PCDHGA8: variants seen among roughly 807,000 people sequenced by gnomAD.
PCDHGA8 encodes the protein protocadherin gamma subfamily A, 8.
PCDHGA8 carries 45 observed loss-of-function variants against 59.2 expected under a neutral mutation model. That is an observed-to-expected ratio of 0.76 (90% confidence interval 0.60 to 0.98). The LOEUF is 0.98. PCDHGA8 is among the 50% of genes least tolerant of loss of function. PCDHGA8 has a pLI of 0.00. For missense variants in PCDHGA8, 1,257 were observed against 1,196.2 expected (o/e 1.05, Z -0.75); for synonymous variants, 531 against 519.0 (o/e 1.02, Z -0.32).
In PCDHGA8 at chr5:141,431,841, C is replaced by T; in HGVS notation, c.2424+36604C>T. The T allele has an allele frequency of 6.2e-7, 1 of 1,614,246 alleles. No homozygotes were observed. Among genetic ancestry groups the T allele is most frequent in the Non-Finnish European group, 8.5e-7 (1 of 1,180,044 alleles). ...GCCAGCTCGGTTCCCGAAAACTCTC[C>T]CAGAGGGACATTAATTGCCCTTTTA... On this transcript the variant is annotated intron_variant, in intron 1 of 3. Coordinates refer to ENST00000398604, the MANE Select transcript of PCDHGA8 (RefSeq NM_032088.2). The surrounding 1 kb of genome is among the most constrained non-coding windows in gnomAD (Gnocchi z 4.8).
At chr5:141,406,070 T>A (rs1451280596) in intron 1 of PCDHGA8, among the ~76,000 whole-genome samples, 1 of 136,270 alleles carries the variant, frequency 7.3e-6, no homozygotes, top group Admixed American at 7.2e-5. Flanking sequence ...AAATTCTTAC[T>A]CCTTTTTTTT....
intron 1 of PCDHGA8, chr5:141,414,982 G>A (rs1415279007): frequency 3.7e-6 from 6 of 1,613,712 alleles, no homozygotes; most frequent in Admixed American, 1.7e-5. Flanking sequence ...CAGAGACTCC[G>A]GCCAGAACGC....
chr5:141,507,631 C>T (rs1435446169), intron 3 of PCDHGA8, among the ~76,000 whole-genome samples: 4 of 152,236 alleles, frequency 2.6e-5, no homozygotes, highest in East Asian at 3.8e-4. Context: ...TGTGGCCTTG[C>T]GCCCTGAGGC....
Position 141,476,559 on chromosome 5 carries a change from T to C in PCDHGA8, c.2425-18248T>C. The stretch of plus-strand genomic sequence containing the variant: ...ATGAAATTGGAGATTAGCGAGGCCG[T>C]GGCTCCGGGGACGCGCTTTCCGCTC... On this transcript the variant is annotated intron_variant, in intron 1 of 3. Coordinates refer to ENST00000398604, the MANE Select transcript of PCDHGA8 (RefSeq NM_032088.2). This position sits in a 1 kb window ranked among gnomAD's most constrained non-coding sequence, Gnocchi z 7.6. 4 of 1,614,228 alleles carry C rather than the reference T, an allele frequency of 2.5e-6. No homozygotes were observed. Among genetic ancestry groups the C allele is most frequent in the Non-Finnish European group, 3.4e-6 (4 of 1,180,036 alleles).
intron 1 of PCDHGA8, among the ~76,000 whole-genome samples, chr5:141,488,571 A>G (rs2099677106): frequency 6.6e-6 from 1 of 152,194 alleles, no homozygotes; most frequent in East Asian, 1.9e-4. Flanking sequence ...TCCGCAAAGC[A>G]TTGCTGGAGA....
chr5:141,403,925 G>A, intron 1 of PCDHGA8: 1 of 1,613,868 alleles, frequency 6.2e-7, no homozygotes, highest in South Asian at 1.1e-5. Flanking sequence ...TGAAGATGGT[G>A]GGGGATTGAA....
intron 1 of PCDHGA8, chr5:141,423,431 G>T: frequency 6.2e-7 from 1 of 1,614,010 alleles, no homozygotes; most frequent in South Asian, 1.1e-5. Context: ...GGGTTGGCAG[G>T]TATGCCCACG....
At chr5:141,413,369 A>G (rs767278842) in intron 1 of PCDHGA8, 1 of 1,613,964 alleles carries the variant, frequency 6.2e-7, no homozygotes, top group South Asian at 1.1e-5. Context: ...GAGCTGGCGG[A>G]GCGCGGAGTC....
intron 1 of PCDHGA8, chr5:141,415,738 A>G (rs2095905853): frequency 5.6e-6 from 3 of 538,228 alleles, no homozygotes; most frequent in South Asian, 3.9e-5. Context: ...ATGTTTATTA[A>G]GGTTTTTTTT....
intron 1 of PCDHGA8, chr5:141,412,090 T>C (rs1008718786): frequency 3.3e-5 from 5 of 152,218 alleles, no homozygotes; most frequent in Admixed American, 2.0e-4. Flanking sequence ...ACTGGGTTGA[T>C]GGGCACACAC....
At position 141,471,885 on chromosome 5, in the gene PCDHGA8, A is replaced by G. The variant is rs180968509; in HGVS notation, c.2425-22922A>G. ...ACTGTGGTTGCCTGAGGCTGAAGCT[A>G]GGAAGATTGACTACAGACAAGCATG... On this transcript the variant is annotated intron_variant, in intron 1 of 3. Transcript: ENST00000398604. Among the ~76,000 whole-genome samples the G allele has an allele frequency of 1.9e-3, 294 of 152,338 alleles. 1 individual carries two copies. Among genetic ancestry groups the G allele is most frequent in the Middle Eastern group, 0.017 (5 of 294 alleles).
At chr5:141,414,064 C>T in intron 1 of PCDHGA8, 1 of 1,607,864 alleles carries the variant, frequency 6.2e-7, no homozygotes, top group Non-Finnish European at 8.5e-7. Context: ...GTTGAAGTTC[C>T]AACTAAACAA....
At position 141,490,979 on chromosome 5, in the gene PCDHGA8, C is replaced by T. The variant is rs1217345302; in HGVS notation, c.2425-3828C>T. 6.2e-7 allele frequency: 1 copy of T among 1,614,086 alleles called. No individual in the cohort carries two copies. The highest frequency in any genetic ancestry group is 8.5e-7 in the Non-Finnish European group (1 of 1,180,014). ...GAACACTCAGCCCCCCAGCGTCTCC[C>T]TCGCTCTGCTCCTCCTGGCTCCTTG... On this transcript the variant is annotated intron_variant, in intron 1 of 3. Transcript: ENST00000398604. This position sits in a 1 kb window ranked among gnomAD's most constrained non-coding sequence, Gnocchi z 5.4.
chr5:141,504,351 G>A (rs77439649), intron 2 of PCDHGA8, among the ~76,000 whole-genome samples: 2 of 152,010 alleles, frequency 1.3e-5, no homozygotes, highest in African/African-American at 4.8e-5. Context: ...CTTTGTGCTA[G>A]GTGCTTCAGT....
At chr5:141,428,437 C>A in intron 1 of PCDHGA8, 1 of 400,386 alleles carries the variant, frequency 2.5e-6, no homozygotes, top group South Asian at 2.4e-5. Flanking sequence ...TAAGACTAGA[C>A]CAGGGGTTTT....
intron 1 of PCDHGA8, chr5:141,410,123 C>A: frequency 1.2e-6 from 2 of 1,612,780 alleles, no homozygotes; most frequent in Non-Finnish European, 1.7e-6. Flanking sequence ...AGCCCGCCAG[C>A]GCCTGCTGGT....
At chr5:141,419,348 G>A (rs1195474899) in intron 1 of PCDHGA8, 1 of 1,613,816 alleles carries the variant, frequency 6.2e-7, no homozygotes, top group Non-Finnish European at 8.5e-7. Context: ...CAGCGACCTG[G>A]AGTCACGAAC....
At chr5:141,418,348 T>C in intron 1 of PCDHGA8, 4 of 1,613,982 alleles carry the variant, frequency 2.5e-6, no homozygotes, top group Non-Finnish European at 3.4e-6. Context: ...CTGATATTAG[T>C]ATGAATTCGC....
chr5:141,408,240 C>T (rs1012868761), intron 1 of PCDHGA8: 89 of 1,578,820 alleles, frequency 5.6e-5, no homozygotes, highest in Non-Finnish European at 7.3e-5. Context: ...CGGGCCGGCC[C>T]GCGGCAGGTG....
Sources: allele counts gnomAD v4.1 joint callset (sites outside exome capture counted in the v4.1 genomes callset), GRCh38; gene constraint gnomAD v4.1.1; non-coding constraint Gnocchi (gnomAD v3.1); transcripts MANE v1.5; gene names NCBI Gene and HGNC (gene_info 2026-07-23, HGNC 2026-07-21).